CDH12: variants seen among roughly 807,000 people sequenced by gnomAD.
CDH12 encodes cadherin 12.
Under a neutral mutation model 74.1 loss-of-function variants are expected in CDH12, and 41 were observed. The ratio of observed to expected loss-of-function variants is 0.55; its 90% CI spans 0.43 to 0.72. CDH12 has a LOEUF of 0.72. Ranked by LOEUF, CDH12 falls within the 30% of genes least tolerant of loss-of-function variation. The pLI is 0.00. For synonymous variants in CDH12, 399 were observed against 355.0 expected, an observed-to-expected ratio of 1.12 and a Z score of -1.39; for missense variants, 945 against 977.2, an observed-to-expected ratio of 0.97 and a Z score of 0.44.
At chr5:21,829,385 G>T (rs573495947) in intron 8 of CDH12, among the ~76,000 whole-genome samples, 1 of 152,266 alleles carries the variant, frequency 6.6e-6, no homozygotes, top group East Asian at 1.9e-4. Flanking sequence ...AATTAAAATT[G>T]TATCTTCTTT....
intron 8 of CDH12, among the ~76,000 whole-genome samples, chr5:21,832,849 ATATATGATATATATCATATG>A (rs1561223736): frequency 5.1e-5 from 4 of 78,250 alleles, no homozygotes; most frequent in Admixed American, 4.4e-4. Flanking sequence ...AAATCATATG[ATATATGATATATATCATATG>A]ATATATGATA....
At chr5:22,407,820 C>T (rs560963711) in intron 2 of CDH12, among the ~76,000 whole-genome samples, 9 of 152,202 alleles carry the variant, frequency 5.9e-5, no homozygotes, top group South Asian at 2.1e-4. Flanking sequence ...GTCCTTTCTT[C>T]GGTAAACCTT....
At chr5:22,467,813 C>G (rs1336275197) in intron 2 of CDH12, among the ~76,000 whole-genome samples, 1 of 152,164 alleles carries the variant, frequency 6.6e-6, no homozygotes, top group Non-Finnish European at 1.5e-5. Context: ...CCAGATCCAC[C>G]TACTAAGTTA....
intron 1 of CDH12, among the ~76,000 whole-genome samples, chr5:22,710,730 G>A (rs988144114): frequency 6.6e-6 from 1 of 152,138 alleles, no homozygotes; most frequent in Admixed American, 6.6e-5. Flanking sequence ...TTCACAATTA[G>A]TTGGTCTTTT....
At chr5:22,751,945 G>A (rs1370910187) in intron 1 of CDH12, among the ~76,000 whole-genome samples, 1 of 132,846 alleles carries the variant, frequency 7.5e-6, no homozygotes, top group Non-Finnish European at 1.7e-5. Context: ...ATAGCCAGCA[G>A]ATGCTATACT....
At chr5:22,623,604 C>A (rs1274270571) in intron 1 of CDH12, among the ~76,000 whole-genome samples, 3 of 152,144 alleles carry the variant, frequency 2.0e-5, no homozygotes, top group Admixed American at 6.5e-5. Flanking sequence ...ATCCAACTTA[C>A]AAGGGACATG....
intron 5 of CDH12, among the ~76,000 whole-genome samples, chr5:22,027,711 C>T: frequency 6.6e-6 from 1 of 151,742 alleles, no homozygotes; most frequent in Non-Finnish European, 1.5e-5. Context: ...CTCTTTTTTT[C>T]TTTATTAGTC....
At position 22,094,820 on chromosome 5, in the gene CDH12, C is replaced by T. The variant is rs139656514; in HGVS notation, c.-186-15958G>A. ...TATCTTGTGAAATTCCTTCTCCTCA[C>T]TCATCCTGGCTCAAAAGCTCCCCTA... On this transcript the variant is annotated intron_variant, in intron 4 of 14. Transcript: ENST00000382254. Among the ~76,000 whole-genome samples, 1,212 of 152,266 alleles carry T rather than the reference C, an allele frequency of 8.0e-3. 14 individuals carry two copies. The highest frequency in any genetic ancestry group is 0.027 in the African/African-American group (1,117 of 41,542).
At chr5:21,980,986 A>T (rs1312192717) in intron 5 of CDH12, among the ~76,000 whole-genome samples, 1 of 152,116 alleles carries the variant, frequency 6.6e-6, no homozygotes, top group Non-Finnish European at 1.5e-5. Context: ...ATCCTAAACC[A>T]TACTCTTTCT....
At chr5:22,657,283 C>T (rs1013871674) in intron 1 of CDH12, among the ~76,000 whole-genome samples, 5 of 152,034 alleles carry the variant, frequency 3.3e-5, no homozygotes, top group African/African-American at 4.8e-5. Flanking sequence ...GAGGATGCTT[C>T]GCTTCAGAGA....
intron 3 of CDH12, among the ~76,000 whole-genome samples, chr5:22,314,980 G>A (rs1738558618): frequency 1.2e-5 from 1 of 83,166 alleles, no homozygotes; most frequent in Non-Finnish European, 2.2e-5. Context: ...TTGAGATGGA[G>A]TATCCCTCTG....
At chr5:22,650,488 TC>T (rs1261937741) in intron 1 of CDH12, among the ~76,000 whole-genome samples, 1 of 152,072 alleles carries the variant, frequency 6.6e-6, no homozygotes, top group South Asian at 2.1e-4. Context: ...GTCTATTAAT[TC>T]TTTACTCCCT....
intron 2 of CDH12, among the ~76,000 whole-genome samples, chr5:22,431,074 T>C (rs2126520298): frequency 6.6e-6 from 1 of 152,290 alleles, no homozygotes; most frequent in Non-Finnish European, 1.5e-5. Context: ...TTCTCCTTTA[T>C]CCATTGAGTT....
intron 3 of CDH12, among the ~76,000 whole-genome samples, chr5:22,298,367 T>C (rs1276032319): frequency 6.6e-6 from 1 of 151,962 alleles, no homozygotes; most frequent in Non-Finnish European, 1.5e-5. Context: ...TTCTTACCCT[T>C]TAAATAAATC....
At chr5:22,524,232 C>T (rs544412706) in intron 1 of CDH12, among the ~76,000 whole-genome samples, 3 of 152,214 alleles carry the variant, frequency 2.0e-5, no homozygotes, top group South Asian at 2.1e-4. Flanking sequence ...ATCAATCCAC[C>T]CACCTTGGCC....
intron 3 of CDH12, among the ~76,000 whole-genome samples, chr5:22,226,972 G>C (rs1036731507): frequency 6.6e-6 from 1 of 152,026 alleles, no homozygotes; most frequent in African/African-American, 2.4e-5. Context: ...GATGCCACTT[G>C]AACAAAGAGT....
intron 2 of CDH12, among the ~76,000 whole-genome samples, chr5:22,437,531 C>T (rs942425374): frequency 2.8e-5 from 4 of 140,870 alleles, no homozygotes; most frequent in African/African-American, 1.1e-4. Context: ...CAGACTGTAG[C>T]CAAGTCAGCA....
intron 4 of CDH12, among the ~76,000 whole-genome samples, chr5:22,151,355 G>T (rs533051584): frequency 6.6e-6 from 1 of 152,248 alleles, no homozygotes; most frequent in Admixed American, 6.5e-5. Context: ...TGAAGTAAAG[G>T]AACTCACTTT....
intron 6 of CDH12, among the ~76,000 whole-genome samples, chr5:21,880,398 G>A (rs1283071416): frequency 6.6e-6 from 1 of 152,142 alleles, no homozygotes; most frequent in Non-Finnish European, 1.5e-5. Flanking sequence ...TGTAGATGGG[G>A]ATCATCCCAG....
Sources: allele counts gnomAD v4.1 joint callset (sites outside exome capture counted in the v4.1 genomes callset), GRCh38; gene constraint gnomAD v4.1.1; transcripts MANE v1.5; gene names NCBI Gene and HGNC (gene_info 2026-07-23, HGNC 2026-07-21).